Variants in GPR149 observed in about 807,000 individuals in gnomAD.
GPR149 encodes the protein probable G protein-coupled receptor 149.
Under a neutral mutation model 50.2 loss-of-function variants are expected in GPR149, and 50 were observed. The observed-to-expected ratio is 1.00, with a 90% CI of 0.79 to 1.26. GPR149 has a LOEUF of 1.26. Ranked by LOEUF, GPR149 falls within the 50% of genes most tolerant of loss-of-function variation. The probability of loss-of-function intolerance (pLI) is 0.00; values close to 1 mark genes in which losing one functional copy is unlikely to be tolerated. For synonymous variants in GPR149, 405 were observed against 358.2 expected, an observed-to-expected ratio of 1.13 and a Z score of -1.48; for missense variants, 983 against 895.4, an observed-to-expected ratio of 1.10 and a Z score of -1.25.
intron 3 of GPR149, among the ~76,000 whole-genome samples, chr3:154,360,498 C>T (rs1404112870): frequency 6.6e-6 from 1 of 152,144 alleles, no homozygotes; most frequent in Non-Finnish European, 1.5e-5. Context: ...CCCCATTTTA[C>T]AGATGAGAAC....
intron 3 of GPR149, chr3:154,352,599 C>T (rs1332085910): frequency 3.9e-6 from 3 of 777,014 alleles, no homozygotes; most frequent in African/African-American, 1.7e-5. Flanking sequence ...CAGAGGCGAT[C>T]AAAGACTGTG....
chr3:154,429,047 T>C lies in GPR149; in HGVS notation c.569A>G (p.Tyr190Cys). The change falls in exon 1 of 4, where the codon TAC becomes TGC. Residue 190 changes from tyrosine to cysteine, a missense_variant. Tyr to Cys is a radical substitution (Grantham distance 194). Transcript: ENST00000389740. Reference sequence around the variant, plus strand: ...GTACACGATAGAGAGGAATAGTACGTAGGAGCTGGAGCAGTCCACCAGGCA... The same window carrying C: ...GTACACGATAGAGAGGAATAGTACGCAGGAGCTGGAGCAGTCCACCAGGCA... ...WGCLVDCSSS[Y>C]VLFLSIVYAL... The C allele has an allele frequency of 6.2e-7, 1 of 1,613,842 alleles. No individual in the cohort carries two copies.
At chr3:154,360,789 T>C (rs991957435) in intron 3 of GPR149, among the ~76,000 whole-genome samples, 3 of 152,180 alleles carry the variant, frequency 2.0e-5, no homozygotes, top group Non-Finnish European at 4.4e-5. Context: ...TAGTATAATT[T>C]TAGGTTAGAT....
chr3:154,414,861 T>C (rs1711943403), intron 3 of GPR149, among the ~76,000 whole-genome samples: 1 of 151,818 alleles, frequency 6.6e-6, no homozygotes, highest in Admixed American at 6.6e-5. Context: ...CTGTTACAAA[T>C]TGGAGGTAAG....
chr3:154,395,656 C>A (rs1715273481), intron 3 of GPR149, among the ~76,000 whole-genome samples: 1 of 151,946 alleles, frequency 6.6e-6, no homozygotes, highest in Non-Finnish European at 1.5e-5. Context: ...TTTAGCCAGG[C>A]ATGGTGGTGT....
At chr3:154,343,466 C>A (rs10212308) in intron 3 of GPR149, among the ~76,000 whole-genome samples, 1 of 151,970 alleles carries the variant, frequency 6.6e-6, no homozygotes, top group Non-Finnish European at 1.5e-5. Flanking sequence ...GGGTAGGGTA[C>A]TGAGTGTGTG....
Position 154,427,628 on chromosome 3 carries a change from G to T in GPR149, c.1062C>A (p.Ala354=). 6.2e-7 allele frequency: 1 copy of T among 1,614,188 alleles called. No homozygotes were observed. Among genetic ancestry groups the T allele is most frequent in the Non-Finnish European group, 8.5e-7 (1 of 1,180,014 alleles). ...ETFSFLLTLL[A]TTVTPVFVLS... ...AGACAAACACTGGGGTTACAGTGGT[G>T]GCCAGCAGGGTAAGTAGAAAGCTGA... The change falls in exon 2 of 4, where the codon GCC becomes GCA. Residue 354 remains alanine, a synonymous_variant. Transcript: ENST00000389740.
chr3:154,424,958 T>G (rs1364541279), intron 2 of GPR149, among the ~76,000 whole-genome samples: 1 of 151,808 alleles, frequency 6.6e-6, no homozygotes, highest in Non-Finnish European at 1.5e-5. Flanking sequence ...AAAAACGTCA[T>G]GTCAGGCAAA....
intron 3 of GPR149, among the ~76,000 whole-genome samples, chr3:154,366,140 A>AGAGG (rs994757512): frequency 6.6e-6 from 1 of 152,142 alleles, no homozygotes; most frequent in Non-Finnish European, 1.5e-5. Context: ...ACAGACCCCT[A>AGAGG]GAGAAACCTG....
chr3:154,413,686 A>G (rs538784482), intron 3 of GPR149, among the ~76,000 whole-genome samples: 5 of 152,104 alleles, frequency 3.3e-5, no homozygotes, highest in South Asian at 2.1e-4. Flanking sequence ...TAAAAAGGGA[A>G]CACTTTTACA....
intron 3 of GPR149, among the ~76,000 whole-genome samples, chr3:154,342,048 T>C (rs746167392): frequency 1.3e-5 from 2 of 152,220 alleles, no homozygotes; most frequent in South Asian, 4.1e-4. Flanking sequence ...TCATGTTACA[T>C]GCAAAAATTT....
At chr3:154,404,600 C>T (rs999453250) in intron 3 of GPR149, among the ~76,000 whole-genome samples, 6 of 152,134 alleles carry the variant, frequency 3.9e-5, no homozygotes, top group African/African-American at 9.7e-5. Flanking sequence ...GAAAGGATTG[C>T]TAACTATCAA....
In GPR149 at chr3:154,427,618, T is replaced by C. The variant is rs757829295; in HGVS notation, c.1072A>G (p.Thr358Ala). 6.2e-7 allele frequency: 1 copy of C among 1,614,142 alleles called. No homozygotes were observed. Among genetic ancestry groups the C allele is most frequent in the Non-Finnish European group, 8.5e-7 (1 of 1,180,022 alleles). ...FLLTLLATTVTPVFVLSKRWT... is the reference protein window; with the variant it reads ...FLLTLLATTVAPVFVLSKRWT... ...CGTTTGGACAAGACAAACACTGGGGTTACAGTGGTGGCCAGCAGGGTAAGT... is the reference window on the plus strand; with the variant it reads ...CGTTTGGACAAGACAAACACTGGGGCTACAGTGGTGGCCAGCAGGGTAAGT... Residue 358 changes from threonine to alanine, a missense_variant, in exon 2 of 4, where the codon ACC (threonine) becomes GCC (alanine). By Grantham distance (58) the Thr-to-Ala change is moderately conservative. Transcript: ENST00000389740.
At chr3:154,361,343 G>A (rs1714374875) in intron 3 of GPR149, among the ~76,000 whole-genome samples, 1 of 152,116 alleles carries the variant, frequency 6.6e-6, no homozygotes, top group Non-Finnish European at 1.5e-5. Context: ...TCTTATTCCT[G>A]GGGAGAGAAT....
chr3:154,420,171 C>T (rs1257197308), intron 3 of GPR149, among the ~76,000 whole-genome samples: 2 of 151,818 alleles, frequency 1.3e-5, no homozygotes, highest in Non-Finnish European at 2.9e-5. Context: ...TAAAATAATG[C>T]TTTTGATTCC....
chr3:154,358,886 G>GTA lies in GPR149; in HGVS notation c.1624-20617_1624-20616dup, dbSNP rs577046435. Among the ~76,000 whole-genome samples, 866 of 152,232 alleles carry GTA rather than the reference G, an allele frequency of 5.7e-3. 11 individuals are homozygous for GTA. The highest frequency in any genetic ancestry group is 0.019 in the African/African-American group (807 of 41,552). On this transcript the variant is annotated intron_variant, in intron 3 of 3. Transcript: ENST00000389740. The stretch of plus-strand genomic sequence containing the variant: ...GTGCATGGGTGTTTGTATATATAAT[G>GTA]TATAGTTAACTCTTTTCTGGTGATA...
chr3:154,359,038 C>A (rs1054796599), intron 3 of GPR149, among the ~76,000 whole-genome samples: 1 of 151,862 alleles, frequency 6.6e-6, no homozygotes, highest in Non-Finnish European at 1.5e-5. Context: ...AATTTTAACC[C>A]TTGTGAAAAA....
chr3:154,420,938 G>A (rs1399332267), intron 3 of GPR149, 101 bp downstream of exon 3: 2 of 831,946 alleles, frequency 2.4e-6, no homozygotes, highest in Non-Finnish European at 1.9e-6. Flanking sequence ...TGAAGTTAAT[G>A]TTGGGCTTGA....
At position 154,385,513 on chromosome 3, in the gene GPR149, C is replaced by T. The variant is rs952651119; in HGVS notation, c.1623+35526G>A. 1.3e-4 allele frequency among the ~76,000 whole-genome samples: 20 copies of T among 152,202 alleles called. 2 individuals carry two copies. Among genetic ancestry groups the T allele is most frequent in the East Asian group, 3.9e-4 (2 of 5,158 alleles). On this transcript the variant is annotated intron_variant, in intron 3 of 3. Transcript: ENST00000389740. ...TGAAAGTGAATACTGGAGTCTGACA[C>T]TCTGGGTAGGATGTTGATTAGGCTT...
Sources: gnomAD v4.1 joint callset for allele counts (sites outside exome capture counted in the v4.1 genomes callset) on GRCh38, gnomAD v4.1.1 for gene constraint, MANE v1.5 for transcripts, NCBI Gene and HGNC (gene_info 2026-07-23, HGNC 2026-07-21) for gene names.